Variants in SEMA4D observed in about 807,000 individuals in gnomAD.
The protein encoded by SEMA4D is semaphorin-4D.
A neutral mutation model predicts 74.8 loss-of-function variants in SEMA4D; 22 were observed. That is an observed-to-expected ratio of 0.29 (90% CI 0.21 to 0.42). The LOEUF is 0.42. SEMA4D is among the 10% of genes least tolerant of loss of function. The pLI is 1.00. For synonymous variants in SEMA4D, 445 were observed against 463.7 expected (o/e 0.96, Z 0.52); for missense variants, 937 against 1,118.4 (o/e 0.84, Z 2.31).
chr9:89,440,099 C>A (rs1011140590), intron 2 of SEMA4D, among the ~76,000 whole-genome samples: 9 of 152,198 alleles, frequency 5.9e-5, no homozygotes, highest in African/African-American at 1.2e-4. Context: ...CGATAAGAGG[C>A]CTGGTGTCCT....
intron 1 of SEMA4D, among the ~76,000 whole-genome samples, chr9:89,477,255 TACACAC>T (rs61454447): frequency 1.0e-4 from 15 of 148,492 alleles, no homozygotes; most frequent in Middle Eastern, 6.9e-3. Context: ...TACATGCACG[TACACAC>T]ACACACACAC....
intron 1 of SEMA4D, among the ~76,000 whole-genome samples, chr9:89,469,362 A>AGG (rs778987537): frequency 0.17 from 26,085 of 152,288 alleles, no homozygotes; most frequent in East Asian, 0.27. Flanking sequence ...TTTTCCAGTA[A>AGG]AACTAACAAT....
intron 1 of SEMA4D, among the ~76,000 whole-genome samples, chr9:89,477,625 C>A (rs1475337707): frequency 6.6e-6 from 1 of 152,172 alleles, no homozygotes; most frequent in Non-Finnish European, 1.5e-5. Context: ...TGGGGAAACA[C>A]CCCCTCTATG....
At position 89,379,193 on chromosome 9, in the gene SEMA4D, C is replaced by T. The variant is rs748528636; in HGVS notation, c.2100G>A (p.Lys700=). Residue 700 remains lysine, a synonymous_variant, in exon 16 of 16, where the codon AAG becomes AAA. Coordinates refer to ENST00000422704, the MANE Select transcript of SEMA4D (RefSeq NM_001371194.2). ...CGCAGGATGTGCCGGTGGGCGCAGG[C>T]TTGGGAGGAAGGGTGATGGCCCCGG... The part of the protein sequence containing the change: ...TSSGAITLPP[K]PAPTGTSCEP... 3.1e-6 allele frequency: 5 copies of T among 1,613,856 alleles called. No individual in the cohort carries two copies. The highest frequency in any genetic ancestry group is 1.3e-5 in the African/African-American group (1 of 74,908).
At chr9:89,410,934 G>A (rs1321113251) in intron 2 of SEMA4D, among the ~76,000 whole-genome samples, 3 of 152,218 alleles carry the variant, frequency 2.0e-5, no homozygotes, top group Non-Finnish European at 4.4e-5. Flanking sequence ...CAGTATGAGT[G>A]CAGTACAGAA....
At chr9:89,415,882 T>C (rs1191117566) in intron 2 of SEMA4D, among the ~76,000 whole-genome samples, 1 of 152,182 alleles carries the variant, frequency 6.6e-6, no homozygotes, top group East Asian at 1.9e-4. Context: ...TTTACACTGG[T>C]AGCGCCTTTG....
intron 2 of SEMA4D, among the ~76,000 whole-genome samples, chr9:89,442,650 A>G (rs1427868324): frequency 6.6e-6 from 1 of 152,210 alleles, no homozygotes; most frequent in Admixed American, 6.5e-5. Context: ...CACAGGCCCC[A>G]ACAGCTAGCA....
chr9:89,436,936 G>A lies in SEMA4D; in HGVS notation c.-244+18952C>T, dbSNP rs55649551. ...ACAATGGGGCTAGAGGTGAAGTCCC[G>A]AGGAAGCAGATGTAGCCCTGGGCAA... is the stretch of plus-strand genomic sequence containing the variant. On this transcript the variant is annotated intron_variant, in intron 2 of 15. Transcript: ENST00000422704. Among the ~76,000 whole-genome samples the A allele has an allele frequency of 2.6e-3, 402 of 152,366 alleles. 2 individuals are homozygous for A. Among genetic ancestry groups the A allele is most frequent in the Non-Finnish European group, 4.6e-3 (314 of 68,036 alleles).
intron 13 of SEMA4D, chr9:89,385,227 C>G (rs1350194824): frequency 3.1e-6 from 3 of 979,188 alleles, no homozygotes; most frequent in Non-Finnish European, 3.6e-6. Flanking sequence ...GAAGCCTCCA[C>G]CAGCCTGGGT....
chr9:89,452,540 C>T (rs1238801997), intron 2 of SEMA4D, among the ~76,000 whole-genome samples: 3 of 152,144 alleles, frequency 2.0e-5, no homozygotes, highest in African/African-American at 7.2e-5. Context: ...CAACCTCCGC[C>T]TCCTGGCTTC....
Position 89,497,901 on chromosome 9 carries a change from G to T in SEMA4D, c.-310+18C>A, listed in dbSNP as rs1826163218. 1 of 150,536 alleles carries T rather than the reference G, an allele frequency of 6.6e-6. No homozygotes were observed. The highest frequency in any genetic ancestry group is 2.4e-5 in the African/African-American group (1 of 40,960). 9.3% of individuals were successfully genotyped at this position (150,536 alleles called of 1,614,324 possible). On this transcript the variant is annotated intron_variant, in intron 1 of 15. Coordinates refer to ENST00000422704, the MANE Select transcript of SEMA4D (RefSeq NM_001371194.2). ...CGGCCCCGCGCGCCCTCCCTCCCGC[G>T]CCAGCCCGGCCGCTTACCTGCAGCG...
chr9:89,428,691 G>T (rs1848614918), intron 2 of SEMA4D, among the ~76,000 whole-genome samples: 1 of 152,170 alleles, frequency 6.6e-6, no homozygotes, highest in African/African-American at 2.4e-5. Context: ...CCTGCACCAG[G>T]GCAATGGCCC....
At chr9:89,445,618 G>T (rs182001391) in intron 2 of SEMA4D, among the ~76,000 whole-genome samples, 1 of 152,172 alleles carries the variant, frequency 6.6e-6, no homozygotes, top group Non-Finnish European at 1.5e-5. Flanking sequence ...CAGGGAGAGA[G>T]AGAGATTTAT....
intron 13 of SEMA4D, chr9:89,384,960 C>G: frequency 1.0e-6 from 1 of 985,464 alleles, no homozygotes; most frequent in Non-Finnish European, 1.2e-6. Context: ...GTCCAGGCAA[C>G]TAAGCCACGT....
At chr9:89,407,400 C>A (rs995708727) in intron 2 of SEMA4D, among the ~76,000 whole-genome samples, 7 of 152,176 alleles carry the variant, frequency 4.6e-5, no homozygotes, top group Admixed American at 1.3e-4. Flanking sequence ...AAGTCTCATT[C>A]TAAGAATGGC....
intron 2 of SEMA4D, among the ~76,000 whole-genome samples, chr9:89,413,420 G>A (rs1425344282): frequency 1.3e-5 from 2 of 152,222 alleles, no homozygotes; most frequent in African/African-American, 2.4e-5. Context: ...ACATGTCTGC[G>A]TGTATGTATA....
At position 89,387,557 on chromosome 9, in the gene SEMA4D, G is replaced by A. The variant is rs766416675; in HGVS notation, c.1159C>T (p.Pro387Ser). The A allele has an allele frequency of 1.2e-6, 2 of 1,614,224 alleles. No homozygotes were observed. The highest frequency in any genetic ancestry group is 2.7e-5 in the African/African-American group (2 of 75,054). Reference sequence around the variant, plus strand: ...TTAACGAACTGCAGCGTCTTGTCTGGCAAATTCAAGGAGCTGGTGTAGTTG... The same window carrying A: ...TTAACGAACTGCAGCGTCTTGTCTGACAAATTCAAGGAGCTGGTGTAGTTG... ...AANYTSSLNLPDKTLQFVKDH... is the reference protein window; with the variant it reads ...AANYTSSLNLSDKTLQFVKDH... The change falls in exon 12 of 16, where the codon CCA (proline) becomes TCA (serine). Residue 387 changes from proline (P) to serine (S), a missense_variant. Pro to Ser is a moderately conservative substitution (Grantham distance 74, BLOSUM62 -1). Coordinates refer to ENST00000422704, the MANE Select transcript of SEMA4D (RefSeq NM_001371194.2).
intron 2 of SEMA4D, among the ~76,000 whole-genome samples, chr9:89,408,046 C>T (rs1236821328): frequency 1.3e-5 from 2 of 152,260 alleles, no homozygotes; most frequent in African/African-American, 2.4e-5. Flanking sequence ...AGGTTCAGAT[C>T]TTCTGAATTC....
intron 1 of SEMA4D, among the ~76,000 whole-genome samples, chr9:89,495,719 C>T (rs1318214466): frequency 6.6e-6 from 1 of 152,104 alleles, no homozygotes; most frequent in African/African-American, 2.4e-5. Context: ...AAGTTTCATC[C>T]CCATGGGTCC....
Sources: gnomAD v4.1 joint callset for allele counts (sites outside exome capture counted in the v4.1 genomes callset) on GRCh38, gnomAD v4.1.1 for gene constraint, MANE v1.5 for transcripts, NCBI Gene and HGNC (gene_info 2026-07-23, HGNC 2026-07-21) for gene names.